PDE2A: variants seen among roughly 807,000 people sequenced by gnomAD.
PDE2A encodes cGMP-dependent 3',5'-cyclic phosphodiesterase.
A neutral mutation model predicts 133.6 loss-of-function variants in PDE2A; 53 were observed. That is an observed-to-expected ratio of 0.40 (90% CI 0.32 to 0.50). The LOEUF (loss-of-function observed/expected upper bound fraction) is 0.50, where lower values mean the gene tolerates loss of function less well. Ranked by LOEUF, PDE2A falls within the 20% of genes least tolerant of loss-of-function variation. The probability of loss-of-function intolerance (pLI) is 0.73; values close to 1 mark genes in which losing one functional copy is unlikely to be tolerated. For missense variants in PDE2A, 796 were observed against 1,232.4 expected (o/e 0.65, Z 5.30); for synonymous variants, 491 against 490.2 (o/e 1.00, Z -0.02).
chr11:72,596,149 C>T lies in PDE2A; in HGVS notation c.489+444G>A, dbSNP rs375826871. Among the ~76,000 whole-genome samples, 414 of 152,272 alleles carry T rather than the reference C, an allele frequency of 2.7e-3. 1 individual carries two copies. The highest frequency in any genetic ancestry group is 4.6e-3 in the Non-Finnish European group (313 of 68,020). Reference sequence around the variant, plus strand: ...GGTCAGGCCCTTATGTCCATCTGTCCCTCCGCAGCATCTCTCTTCACACCT... The same window carrying T: ...GGTCAGGCCCTTATGTCCATCTGTCTCTCCGCAGCATCTCTCTTCACACCT... On this transcript the variant is annotated intron_variant, in intron 6 of 30. Coordinates refer to ENST00000334456, the MANE Select transcript of PDE2A (RefSeq NM_002599.5).
intron 1 of PDE2A, among the ~76,000 whole-genome samples, chr11:72,666,529 C>T (rs556415131): frequency 4.6e-5 from 7 of 152,160 alleles, no homozygotes; most frequent in African/African-American, 1.4e-4. Flanking sequence ...GGAAGCCCAG[C>T]CCTTCAAGGG....
At chr11:72,605,564 T>C (rs2135351469) in intron 3 of PDE2A, among the ~76,000 whole-genome samples, 1 of 152,310 alleles carries the variant, frequency 6.6e-6, no homozygotes, top group East Asian at 1.9e-4. Context: ...CTGGGATATT[T>C]CCCTGCCTGA....
chr11:72,663,704 G>A (rs1166621895), intron 1 of PDE2A, among the ~76,000 whole-genome samples: 1 of 148,830 alleles, frequency 6.7e-6, no homozygotes, highest in Non-Finnish European at 1.5e-5. Flanking sequence ...ACTCCAGCCT[G>A]GGCGACAGAG....
intron 2 of PDE2A, among the ~76,000 whole-genome samples, chr11:72,627,246 G>A (rs1439714721): frequency 6.6e-6 from 1 of 152,250 alleles, no homozygotes; most frequent in Non-Finnish European, 1.5e-5. Context: ...CTCAGTCTCA[G>A]CCTCTGCCTC....
intron 1 of PDE2A, among the ~76,000 whole-genome samples, chr11:72,668,821 C>G (rs921883611): frequency 6.6e-6 from 1 of 152,228 alleles, no homozygotes; most frequent in African/African-American, 2.4e-5. Flanking sequence ...TCTGAGAAAC[C>G]TCGGTCCCTC....
At chr11:72,667,591 G>A (rs1316332444) in intron 1 of PDE2A, among the ~76,000 whole-genome samples, 3 of 152,104 alleles carry the variant, frequency 2.0e-5, no homozygotes, top group East Asian at 1.9e-4. Flanking sequence ...CAAACACAAC[G>A]AAGATTCAGG....
chr11:72,642,316 G>A lies in PDE2A; in HGVS notation c.82C>T (p.Gln28Ter). The A allele has an allele frequency of 1.3e-6, 2 of 1,540,210 alleles. No individual in the cohort carries two copies. The highest frequency in any genetic ancestry group is 1.7e-6 in the Non-Finnish European group (2 of 1,146,172). Residue 28 changes from glutamine (Q) to a stop codon, truncating the protein, a stop_gained, in exon 2 of 31, where the codon CAG becomes TAG. Transcript: ENST00000334456. LOFTEE classifies it high-confidence loss of function. ...AARPAEPRGQQVFLKPDEPPP... is the reference protein window; with the variant it reads ...AARPAEPRGQ ...GGCTCGTCCGGCTTGAGGAAGACCT[G>A]CTGGCCCCGCCTGAGGAATTGGACA...
chr11:72,659,878 C>T (rs745611928), intron 1 of PDE2A, among the ~76,000 whole-genome samples: 13 of 152,328 alleles, frequency 8.5e-5, no homozygotes, highest in East Asian at 3.9e-4. Context: ...ACATCCAAGG[C>T]TTGCCCTCAG....
At chr11:72,619,406 A>G (rs1857635885) in intron 2 of PDE2A, among the ~76,000 whole-genome samples, 1 of 152,026 alleles carries the variant, frequency 6.6e-6, no homozygotes, top group Admixed American at 6.6e-5. Flanking sequence ...GGACCATCAC[A>G]TCATCATGGC....
At chr11:72,642,770 G>C (rs555591484) in intron 1 of PDE2A, among the ~76,000 whole-genome samples, 1 of 151,938 alleles carries the variant, frequency 6.6e-6, no homozygotes, top group South Asian at 2.1e-4. Context: ...TCTGGGGTCC[G>C]GGGCCCGGCC....
Position 72,578,605 on chromosome 11 carries a change from G to A in PDE2A, c.2470-91C>T. On this transcript the variant is annotated intron_variant, in intron 28 of 30. Transcript: ENST00000334456. The surrounding 1 kb of genome is among the most constrained non-coding windows in gnomAD (Gnocchi z 4.2). Reference sequence around the variant, plus strand: ...CCCGTTCCCAGGAGAGAAAACTGAGGCCCAGGGATTCAGTCCCAGCTCAGG... The same window carrying A: ...CCCGTTCCCAGGAGAGAAAACTGAGACCCAGGGATTCAGTCCCAGCTCAGG... 8.8e-7 allele frequency: 1 copy of A among 1,136,658 alleles called. No individual in the cohort carries two copies. Among genetic ancestry groups the A allele is most frequent in the East Asian group, 2.3e-5 (1 of 42,634 alleles). The allele number at this position is 1,136,658 out of a possible 1,614,324, so 70.4% of individuals were successfully genotyped here.
intron 4 of PDE2A, among the ~76,000 whole-genome samples, chr11:72,603,715 C>T (rs1346912134): frequency 6.6e-6 from 1 of 152,236 alleles, no homozygotes; most frequent in Admixed American, 6.5e-5. Context: ...CATCCTCTTA[C>T]AGACGGGACA....
At chr11:72,673,398 TAC>T (rs10552751) in intron 1 of PDE2A, among the ~76,000 whole-genome samples, 14 of 148,326 alleles carry the variant, frequency 9.4e-5, no homozygotes, top group African/African-American at 1.5e-4. Context: ...TCCACATGTA[TAC>T]ACACACACAC....
intron 2 of PDE2A, among the ~76,000 whole-genome samples, chr11:72,616,367 C>T (rs1244643631): frequency 1.3e-5 from 2 of 152,192 alleles, no homozygotes; most frequent in Non-Finnish European, 2.9e-5. Flanking sequence ...AATGCAGTGC[C>T]ACCCTTTCCC....
At chr11:72,620,255 C>T (rs913958737) in intron 2 of PDE2A, among the ~76,000 whole-genome samples, 8 of 152,172 alleles carry the variant, frequency 5.3e-5, no homozygotes, top group Admixed American at 5.2e-4. Context: ...TCAGAGGACA[C>T]TTACCCCTCC....
At chr11:72,668,189 T>A (rs970413227) in intron 1 of PDE2A, 2 of 710,972 alleles carry the variant, frequency 2.8e-6, no homozygotes, top group African/African-American at 3.5e-5. Context: ...CCAACTTTAG[T>A]TGTCCACATC....
At chr11:72,617,059 A>G (rs969618285) in intron 2 of PDE2A, among the ~76,000 whole-genome samples, 4 of 152,154 alleles carry the variant, frequency 2.6e-5, no homozygotes, top group African/African-American at 9.7e-5. Context: ...TTTGGGCCAC[A>G]CTAGGACACC....
In PDE2A at chr11:72,626,333, C is replaced by T. The variant is rs11235553; in HGVS notation, c.144+15921G>A. On this transcript the variant is annotated intron_variant, in intron 2 of 30. Transcript: ENST00000334456. The stretch of plus-strand genomic sequence containing the variant: ...CCTGGTCCCAGGTCCCTGCACGCCC[C>T]GGGCCTGTGCAGCCCAACAGGGGCA... Among the ~76,000 whole-genome samples the T allele has an allele frequency of 4.3e-3, 655 of 152,340 alleles. 7 individuals are homozygous for T. Among genetic ancestry groups the T allele is most frequent in the African/African-American group, 0.015 (607 of 41,564 alleles).
chr11:72,609,456 G>T (rs1513780), intron 2 of PDE2A, among the ~76,000 whole-genome samples: 35,397 of 151,962 alleles, frequency 0.23, 4,888 homozygotes, highest in African/African-American at 0.4. Flanking sequence ...GAGCCTATGG[G>T]GTGCATAACC....
Sources: gnomAD v4.1 joint callset for allele counts (sites outside exome capture counted in the v4.1 genomes callset) on GRCh38, gnomAD v4.1.1 for gene constraint, Gnocchi (gnomAD v3.1) non-coding constraint, MANE v1.5 for transcripts, NCBI Gene and HGNC (gene_info 2026-07-23, HGNC 2026-07-21) for gene names.